ZNF483: variants seen among roughly 807,000 people sequenced by gnomAD.
ZNF483 encodes zinc finger protein HIT-10.
A neutral mutation model predicts 28.6 loss-of-function variants in ZNF483; 9 were observed. The observed-to-expected ratio is 0.32, with a 90% CI of 0.19 to 0.55. ZNF483 has a LOEUF of 0.55. Among genes scored for constraint, ZNF483 ranks in the 20% least tolerant of loss-of-function variants. The pLI is 0.93. For missense variants in ZNF483, 675 were observed against 871.7 expected (o/e 0.77, Z 2.84); for synonymous variants, 322 against 306.2 (o/e 1.05, Z -0.54).
rs1048217169 is a variant in ZNF483 at position 111,547,183 on chromosome 9, A to C, written c.*4013A>C. Among the ~76,000 whole-genome samples, 9 of 152,150 alleles carry C rather than the reference A, an allele frequency of 5.9e-5. No homozygotes were observed. The highest frequency in any genetic ancestry group is 2.2e-4 in the African/African-American group (9 of 41,442). The stretch of plus-strand genomic sequence containing the variant: ...TCTGTTCTTTTAAGTATATGCCTAG[A>C]AATAGAATTGCTGGATCTTATGATG... On this transcript the variant is annotated 3_prime_UTR_variant, in exon 6 of 6. Transcript: ENST00000309235.
At chr9:111,536,666 A>G (rs1412588581) in intron 5 of ZNF483, among the ~76,000 whole-genome samples, 1 of 152,028 alleles carries the variant, frequency 6.6e-6, no homozygotes, top group African/African-American at 2.4e-5. Context: ...CCAGTATACA[A>G]TTGACCCTTG....
In ZNF483 at chr9:111,551,168, A is replaced by G. The variant is rs562605416; in HGVS notation, c.*7998A>G. On this transcript the variant is annotated 3_prime_UTR_variant, in exon 6 of 6. Transcript: ENST00000309235. Reference sequence around the variant, plus strand: ...AATATATCCATAATATTATTTCATCATGTAATCAATGTAAAAAAGTATTGA... The same window carrying G: ...AATATATCCATAATATTATTTCATCGTGTAATCAATGTAAAAAAGTATTGA... Among the ~76,000 whole-genome samples the G allele has an allele frequency of 7.9e-5, 12 of 152,332 alleles. No individual in the cohort carries two copies. Among genetic ancestry groups the G allele is most frequent in the Non-Finnish European group, 1.8e-4 (12 of 68,036 alleles).
intron 5 of ZNF483, among the ~76,000 whole-genome samples, chr9:111,538,528 C>G (rs1333193064): frequency 1.3e-5 from 2 of 150,560 alleles, no homozygotes; most frequent in Non-Finnish European, 3.0e-5. Flanking sequence ...TGGACACTTG[C>G]AGTTCAAATC....
At position 111,547,298 on chromosome 9, in the gene ZNF483, C is replaced by A. The variant is rs1827830138; in HGVS notation, c.*4128C>A. ...AAGGGTTTCAGTATCCCCGCCCTTGCTAACACTTATTTTCTATTTCTTTTT... is the reference window on the plus strand; with the variant it reads ...AAGGGTTTCAGTATCCCCGCCCTTGATAACACTTATTTTCTATTTCTTTTT... On this transcript the variant is annotated 3_prime_UTR_variant, in exon 6 of 6. Coordinates refer to ENST00000309235, the MANE Select transcript of ZNF483 (RefSeq NM_133464.5). Among the ~76,000 whole-genome samples the A allele has an allele frequency of 6.6e-6, 1 of 152,116 alleles. No individual in the cohort carries two copies.
chr9:111,541,110 G>A (rs1827660028), intron 5 of ZNF483, among the ~76,000 whole-genome samples: 1 of 129,366 alleles, frequency 7.7e-6, no homozygotes, highest in Non-Finnish European at 1.6e-5. Flanking sequence ...TTTTTTTTGA[G>A]ACAGAGCCTT....
intron 5 of ZNF483, among the ~76,000 whole-genome samples, chr9:111,538,269 CT>C (rs1364475189): frequency 6.6e-6 from 1 of 151,862 alleles, no homozygotes; most frequent in East Asian, 1.9e-4. Flanking sequence ...AATCTCAACA[CT>C]TTGGGAGGTC....
Position 111,549,617 on chromosome 9 carries a change from A to G in ZNF483, c.*6447A>G. The G allele has an allele frequency of 1.0e-6, 1 of 953,578 alleles. No homozygotes were observed. Among genetic ancestry groups the G allele is most frequent in the Non-Finnish European group, 1.6e-6 (1 of 634,978 alleles). 59.1% of individuals were successfully genotyped at this position (953,578 alleles called of 1,614,324 possible). On this transcript the variant is annotated 3_prime_UTR_variant, in exon 6 of 6. Transcript: ENST00000309235. ...TACAAGCTTTGCTAAACCTACCTGT[A>G]GCTCTTCTGGGGCAGCGGTCGTGGT...
At chr9:111,529,869 T>C (rs2132218755) in intron 2 of ZNF483, among the ~76,000 whole-genome samples, 1 of 152,338 alleles carries the variant, frequency 6.6e-6, no homozygotes, top group East Asian at 1.9e-4. Flanking sequence ...ATTTCCTGGG[T>C]GATTAGAACA....
chr9:111,577,516 A>G (rs561380663), exon 6 of ZNF483: 7 of 152,350 alleles, frequency 4.6e-5, no homozygotes, highest in African/African-American at 1.7e-4. Flanking sequence ...GAATGTTCAT[A>G]GTAACATTAT....
intron 2 of ZNF483, 73 bp from the exon 3 acceptor site, chr9:111,530,780 TATATATATATATATATATATAC>T (rs1159870345): frequency 0.016 from 884 of 54,832 alleles, 27 homozygotes; most frequent in African/African-American, 0.08. Context: ...TATATATATA[TATATATATATATATATATATAC>T]ATATATATAT....
chr9:111,562,336 C>T (rs922067576), intron 5 of ZNF483, among the ~76,000 whole-genome samples: 14 of 148,920 alleles, frequency 9.4e-5, no homozygotes, highest in African/African-American at 2.5e-4. Context: ...AGTACAGTGG[C>T]GCAATCTCAG....
chr9:111,542,087 T>A lies in ZNF483; in HGVS notation c.1152T>A (p.His384Gln), dbSNP rs767107567. Residue 384 changes from histidine (H) to glutamine (Q), a missense_variant, in exon 6 of 6, where the codon CAT (histidine) becomes CAA (glutamine). Transcript: ENST00000309235. The surrounding 1 kb of genome is among the most constrained non-coding windows in gnomAD (Gnocchi z 6.2). ...AACATCAGAAACGTCAGAAGATTCATTTGGGGGATAGGTCCCAAAAATGCA... is the reference window on the plus strand; with the variant it reads ...AACATCAGAAACGTCAGAAGATTCAATTGGGGGATAGGTCCCAAAAATGCA... ...LTEHQKRQKIHLGDRSQKCSK... is the reference protein window; with the variant it reads ...LTEHQKRQKIQLGDRSQKCSK... The A allele has an allele frequency of 1.2e-6, 2 of 1,614,038 alleles. No individual in the cohort carries two copies. Among genetic ancestry groups the A allele is most frequent in the Non-Finnish European group, 1.7e-6 (2 of 1,180,036 alleles).
rs372043468 is a variant in ZNF483 at position 111,542,738 on chromosome 9, C to T, written c.1803C>T (p.His601=). 6.2e-7 allele frequency: 1 copy of T among 1,613,942 alleles called. No homozygotes were observed. Among genetic ancestry groups the T allele is most frequent in the African/African-American group, 1.3e-5 (1 of 74,886 alleles). ...GCCTTACCCGGCATCAGAGAATTCA[C>T]ACTGGAGAAAAACCATATTTGTGTA... is the stretch of plus-strand genomic sequence containing the variant. ...NSCLTRHQRI[H]TGEKPYLCND... Residue 601 remains histidine (H), a synonymous_variant, in exon 6 of 6, where the codon CAC becomes CAT. Coordinates refer to ENST00000309235, the MANE Select transcript of ZNF483 (RefSeq NM_133464.5). This position sits in a 1 kb window ranked among gnomAD's most constrained non-coding sequence, Gnocchi z 6.2.
intron 5 of ZNF483, among the ~76,000 whole-genome samples, chr9:111,560,835 CAG>C (rs1409834438): frequency 2.1e-5 from 3 of 143,880 alleles, no homozygotes; most frequent in African/African-American, 7.8e-5. Flanking sequence ...CCCAGCTACT[CAG>C]GGGGCTGAGG....
chr9:111,531,186 G>C (rs1416875545), intron 3 of ZNF483, among the ~76,000 whole-genome samples: 1 of 151,900 alleles, frequency 6.6e-6, no homozygotes, highest in Admixed American at 6.6e-5. Context: ...AACAGAGCAA[G>C]ACCCTGTCTC....
rs747090539 is a variant in ZNF483, at chr9:111,528,788, T to G, written c.412+981T>G. 2.0e-5 allele frequency among the ~76,000 whole-genome samples: 3 copies of G among 152,188 alleles called. No individual in the cohort carries two copies. In the East Asian group the frequency reaches 5.8e-4, roughly 29 times the overall value. On this transcript the variant is annotated intron_variant, in intron 2 of 5. Coordinates refer to ENST00000309235, the MANE Select transcript of ZNF483 (RefSeq NM_133464.5). ...TTTGGGTTTCCTGACTCCTCTGTGATTTGTCACTGCAGTGTCATGCTTCTA... is the reference window on the plus strand; with the variant it reads ...TTTGGGTTTCCTGACTCCTCTGTGAGTTGTCACTGCAGTGTCATGCTTCTA...
chr9:111,554,440 G>A lies in ZNF483; in HGVS notation c.*11270G>A, dbSNP rs73656263. On this transcript the variant is annotated 3_prime_UTR_variant, in exon 6 of 6. Transcript: ENST00000309235. ...TATTTCTACCACAGTCTGTTCTTTC[G>A]GTCACCAAACTCTTTCTTCCCACAC... 0.011 allele frequency among the ~76,000 whole-genome samples: 1,621 copies of A among 152,176 alleles called. 32 individuals are homozygous for A. Among genetic ancestry groups the A allele is most frequent in the African/African-American group, 0.036 (1,508 of 41,508 alleles).
chr9:111,563,108 T>C (rs187160431), intron 5 of ZNF483: 2 of 1,611,882 alleles, frequency 1.2e-6, no homozygotes, highest in Non-Finnish European at 1.7e-6. Context: ...CCAGATTCCA[T>C]GTGTCCTCTT....
At chr9:111,572,857 A>G (rs1234253823) in intron 5 of ZNF483, among the ~76,000 whole-genome samples, 1 of 152,130 alleles carries the variant, frequency 6.6e-6, no homozygotes, top group Non-Finnish European at 1.5e-5. Flanking sequence ...ACCAATAAAC[A>G]AAAAAGCAAA....
Sources: allele counts gnomAD v4.1 joint callset (sites outside exome capture counted in the v4.1 genomes callset), GRCh38; gene constraint gnomAD v4.1.1; non-coding constraint Gnocchi (gnomAD v3.1); transcripts MANE v1.5; gene names NCBI Gene and HGNC (gene_info 2026-07-23, HGNC 2026-07-21).